TBC1D1: variants seen among roughly 807,000 people sequenced by gnomAD.
The protein encoded by TBC1D1 is TBC1 domain family member 1, also known as TBC1 (tre-2/USP6, BUB2, cdc16) domain family, member 1.
Under a neutral mutation model 125.6 loss-of-function variants are expected in TBC1D1, and 89 were observed. That is an observed-to-expected ratio of 0.71 (90% CI 0.60 to 0.85). The LOEUF is 0.85. Ranked by LOEUF, TBC1D1 falls within the 40% of genes least tolerant of loss-of-function variation. The pLI is 0.00. For synonymous variants in TBC1D1, 565 were observed against 564.1 expected (o/e 1.00, Z -0.02); for missense variants, 1,377 against 1,469.2 (o/e 0.94, Z 1.03).
Position 38,097,340 on chromosome 4 carries a change from G to GTT in TBC1D1, c.2398+1266_2398+1267dup, listed in dbSNP as rs71658757. On this transcript the variant is annotated intron_variant, in intron 14 of 19. Coordinates refer to ENST00000261439, the MANE Select transcript of TBC1D1 (RefSeq NM_015173.4). ...ACCATGCCTGGCTAATTTTTTGTGG[G>GTT]TTTTTTTTTTTTTTTTTAAGACAGA... Among the ~76,000 whole-genome samples the GTT allele has an allele frequency of 4.1e-3, 499 of 122,104 alleles. 4 individuals carry two copies. Among genetic ancestry groups the GTT allele is most frequent in the African/African-American group, 0.012 (397 of 32,294 alleles). The allele number at this position is 122,104 out of a possible 152,430, so 80.1% of individuals were successfully genotyped here. A position where few individuals can be genotyped will look rare whatever the true frequency, so the allele number is the denominator to read the frequency against.
chr4:38,015,541 A>T (rs1460143138), intron 3 of TBC1D1, among the ~76,000 whole-genome samples: 7 of 151,972 alleles, frequency 4.6e-5, no homozygotes, highest in African/African-American at 1.7e-4. Context: ...GGGCTGTCCC[A>T]GGTGGGTGGG....
chr4:38,031,859 C>CTA (rs768564608), intron 7 of TBC1D1, among the ~76,000 whole-genome samples: 1 of 152,116 alleles, frequency 6.6e-6, no homozygotes, highest in Non-Finnish European at 1.5e-5. Flanking sequence ...AAACATGTAA[C>CTA]TAATTTAGTT....
chr4:38,049,042 C>A (rs1749996029), intron 10 of TBC1D1, among the ~76,000 whole-genome samples: 1 of 152,164 alleles, frequency 6.6e-6, no homozygotes, highest in East Asian at 1.9e-4. Flanking sequence ...TACCCTCTTA[C>A]AGAAGAAATT....
At position 38,109,339 on chromosome 4, in the gene TBC1D1, G is replaced by A. The variant is rs544420615; in HGVS notation, c.2557+6182G>A. On this transcript the variant is annotated intron_variant, in intron 15 of 19. Transcript: ENST00000261439. ...GGGATCATATTTATTTGGTCATTCT[G>A]AATATACCCTTTAAGTCCAAAGTGA... Among the ~76,000 whole-genome samples the A allele has an allele frequency of 1.4e-4, 21 of 152,280 alleles. No individual in the cohort carries two copies. In the South Asian group the frequency reaches 4.2e-3, roughly 30 times the overall value.
At chr4:38,005,060 TC>T (rs1739845294) in intron 2 of TBC1D1, among the ~76,000 whole-genome samples, 1 of 152,102 alleles carries the variant, frequency 6.6e-6, no homozygotes, top group African/African-American at 2.4e-5. Context: ...GCCTTTCTGT[TC>T]AGCCGTAACC....
intron 2 of TBC1D1, chr4:38,006,929 G>T: frequency 2.2e-6 from 1 of 448,542 alleles, no homozygotes; most frequent in South Asian, 1.7e-5. Context: ...CATGAGTGTG[G>T]AGTAAGTGTT....
At chr4:37,898,443 C>A (rs1487980886) in intron 1 of TBC1D1, among the ~76,000 whole-genome samples, 1 of 152,194 alleles carries the variant, frequency 6.6e-6, no homozygotes, top group African/African-American at 2.4e-5. Flanking sequence ...CATTGAGTGC[C>A]TGTGTTCCAA....
At chr4:37,933,970 C>T (rs1723855740) in intron 2 of TBC1D1, among the ~76,000 whole-genome samples, 1 of 152,190 alleles carries the variant, frequency 6.6e-6, no homozygotes, top group East Asian at 1.9e-4. Flanking sequence ...GGGATCCAGG[C>T]AGCCTGTTGT....
chr4:38,027,743 C>T (rs746333651), intron 6 of TBC1D1, 45 bp from the exon 7 acceptor site: 9 of 1,411,724 alleles, frequency 6.4e-6, no homozygotes, highest in East Asian at 2.3e-5. Context: ...TATCTCACAA[C>T]TTTTATATAG....
intron 2 of TBC1D1, among the ~76,000 whole-genome samples, chr4:37,992,759 C>G (rs1226547369): frequency 6.7e-6 from 1 of 149,010 alleles, no homozygotes; most frequent in Non-Finnish European, 1.5e-5. Flanking sequence ...TCCCAAAGTG[C>G]TGGGATTACA....
chr4:37,974,781 A>T (rs572763114), intron 2 of TBC1D1, among the ~76,000 whole-genome samples: 69 of 150,684 alleles, frequency 4.6e-4, no homozygotes, highest in Non-Finnish European at 8.7e-4. Flanking sequence ...GTGGTCTTGA[A>T]CTCCTGACCC....
intron 2 of TBC1D1, among the ~76,000 whole-genome samples, chr4:37,984,841 CAA>C (rs774568817): frequency 3.8e-4 from 35 of 92,860 alleles, no homozygotes; most frequent in Admixed American, 4.5e-4. Flanking sequence ...GACCCTGTCT[CAA>C]AAAAAAAAAA....
intron 12 of TBC1D1, among the ~76,000 whole-genome samples, chr4:38,068,764 G>A (rs1256803221): frequency 6.6e-6 from 1 of 152,174 alleles, no homozygotes; most frequent in African/African-American, 2.4e-5. Flanking sequence ...AGAACATTCA[G>A]CAATATTGTG....
At chr4:37,926,828 CT>C (rs1440643437) in intron 2 of TBC1D1, among the ~76,000 whole-genome samples, 4 of 152,132 alleles carry the variant, frequency 2.6e-5, no homozygotes, top group African/African-American at 9.7e-5. Flanking sequence ...TGAAATATTA[CT>C]GTTATGGCCA....
At chr4:37,949,875 C>T (rs1294523805) in intron 2 of TBC1D1, among the ~76,000 whole-genome samples, 1 of 152,066 alleles carries the variant, frequency 6.6e-6, no homozygotes, top group African/African-American at 2.4e-5. Flanking sequence ...TTGGATTTGA[C>T]CTGCTGACTG....
intron 2 of TBC1D1, among the ~76,000 whole-genome samples, chr4:37,928,609 G>A (rs1722624577): frequency 6.6e-6 from 1 of 152,198 alleles, no homozygotes; most frequent in Non-Finnish European, 1.5e-5. Context: ...CTTGCAGTGG[G>A]TATACTTTTG....
intron 2 of TBC1D1, among the ~76,000 whole-genome samples, chr4:37,998,606 G>T (rs964805564): frequency 7.2e-5 from 11 of 152,220 alleles, no homozygotes; most frequent in African/African-American, 2.6e-4. Flanking sequence ...CAGTCTCCTT[G>T]CCTCTGTTGC....
chr4:37,974,683 G>A (rs1732706582), intron 2 of TBC1D1, among the ~76,000 whole-genome samples: 1 of 152,162 alleles, frequency 6.6e-6, no homozygotes, highest in African/African-American at 2.4e-5. Context: ...TCAGCCTCCT[G>A]AGTAGCTGGG....
At chr4:37,917,838 T>A (rs1720058304) in intron 2 of TBC1D1, among the ~76,000 whole-genome samples, 1 of 152,210 alleles carries the variant, frequency 6.6e-6, no homozygotes, top group Admixed American at 6.5e-5. Flanking sequence ...TCCCCCTTTA[T>A]TATACTTTTC....
Sources: gnomAD v4.1 joint callset for allele counts (sites outside exome capture counted in the v4.1 genomes callset) on GRCh38, gnomAD v4.1.1 for gene constraint, MANE v1.5 for transcripts, NCBI Gene and HGNC (gene_info 2026-07-23, HGNC 2026-07-21) for gene names.